The following GRID2 variants were observed in gnomAD, a reference collection of about 807,000 sequenced individuals.
GRID2 encodes glutamate ionotropic receptor delta type subunit 2.
A neutral mutation model predicts 114.8 loss-of-function variants in GRID2; 33 were observed. The observed-to-expected ratio is 0.29, with a 90% confidence interval of 0.22 to 0.38. The LOEUF (loss-of-function observed/expected upper bound fraction) is 0.38, where lower values mean the gene tolerates loss of function less well. GRID2 is among the 10% of genes least tolerant of loss of function. GRID2 has a pLI of 1.00. For missense variants in GRID2, 1,184 were observed against 1,257.7 expected (o/e 0.94, Z 0.89); for synonymous variants, 505 against 449.9 (o/e 1.12, Z -1.55).
At chr4:93,616,349 G>A (rs552451610) in intron 13 of GRID2, among the ~76,000 whole-genome samples, 8 of 151,802 alleles carry the variant, frequency 5.3e-5, no homozygotes, top group East Asian at 1.9e-4. Flanking sequence ...CTCGAGACCC[G>A]CCTGTCCAAC....
intron 11 of GRID2, among the ~76,000 whole-genome samples, chr4:93,483,756 A>G (rs1726098429): frequency 6.6e-6 from 1 of 151,978 alleles, no homozygotes. Flanking sequence ...GATTTTCCTT[A>G]AAACAGAGGG....
intron 2 of GRID2, among the ~76,000 whole-genome samples, chr4:92,930,608 T>C (rs917984587): frequency 1.3e-3 from 190 of 146,474 alleles, no homozygotes; most frequent in African/African-American, 4.6e-3. Context: ...TTGCCAATTC[T>C]CAATGTGAAT....
intron 2 of GRID2, among the ~76,000 whole-genome samples, chr4:93,082,164 A>C (rs1345465755): frequency 6.6e-6 from 1 of 152,194 alleles, no homozygotes; most frequent in Non-Finnish European, 1.5e-5. Flanking sequence ...GTTTTGAGTC[A>C]TCCAGTCCCA....
intron 14 of GRID2, among the ~76,000 whole-genome samples, chr4:93,717,241 C>T (rs1374156153): frequency 6.6e-6 from 1 of 152,010 alleles, no homozygotes; most frequent in Non-Finnish European, 1.5e-5. Flanking sequence ...AATTCTTGTC[C>T]TGTTGGAACT....
intron 8 of GRID2, among the ~76,000 whole-genome samples, chr4:93,349,333 A>G (rs1760558856): frequency 6.6e-6 from 1 of 152,120 alleles, no homozygotes; most frequent in African/African-American, 2.4e-5. Flanking sequence ...TTTCAACTGA[A>G]TAATCTCAAG....
chr4:92,663,902 G>A (rs1732642877), intron 2 of GRID2, among the ~76,000 whole-genome samples: 1 of 151,158 alleles, frequency 6.6e-6, no homozygotes. Flanking sequence ...GATTTGTCCT[G>A]TTGTGATCTG....
chr4:92,938,629 A>G (rs549407078), intron 2 of GRID2, among the ~76,000 whole-genome samples: 1 of 146,358 alleles, frequency 6.8e-6, no homozygotes, highest in South Asian at 2.3e-4. Context: ...TTTGTTACAT[A>G]TGTATACATG....
At chr4:92,705,107 T>C (rs895025002) in intron 2 of GRID2, among the ~76,000 whole-genome samples, 1 of 152,152 alleles carries the variant, frequency 6.6e-6, no homozygotes, top group African/African-American at 2.4e-5. Context: ...GCAAGGCCTA[T>C]GCAGTTATAT....
intron 2 of GRID2, among the ~76,000 whole-genome samples, chr4:92,634,824 T>G (rs1158990780): frequency 6.7e-6 from 1 of 150,116 alleles, no homozygotes; most frequent in East Asian, 2.0e-4. Context: ...TATCTAAAAT[T>G]GAATTTTAAT....
At chr4:92,546,006 G>A (rs1174180290) in intron 1 of GRID2, among the ~76,000 whole-genome samples, 1 of 152,080 alleles carries the variant, frequency 6.6e-6, no homozygotes, top group Non-Finnish European at 1.5e-5. Context: ...TTAAAATGCT[G>A]CTCTTTTACA....
intron 12 of GRID2, among the ~76,000 whole-genome samples, chr4:93,513,687 A>T (rs1325255329): frequency 2.0e-5 from 3 of 152,228 alleles, no homozygotes; most frequent in Admixed American, 2.0e-4. Flanking sequence ...AGGAATTATC[A>T]TGGTAGTTTC....
intron 2 of GRID2, among the ~76,000 whole-genome samples, chr4:92,647,851 G>T (rs988167061): frequency 6.7e-6 from 1 of 149,694 alleles, no homozygotes; most frequent in African/African-American, 2.5e-5. Flanking sequence ...AATTTGAAAT[G>T]TTCCTTATCT....
intron 2 of GRID2, among the ~76,000 whole-genome samples, chr4:92,891,812 A>G (rs1235228163): frequency 1.3e-5 from 2 of 152,170 alleles, no homozygotes; most frequent in Non-Finnish European, 2.9e-5. Context: ...ACACTTGCAC[A>G]TATAATGATT....
chr4:93,008,853 A>G (rs867683570), intron 2 of GRID2, among the ~76,000 whole-genome samples: 13 of 152,254 alleles, frequency 8.5e-5, no homozygotes, highest in Middle Eastern at 3.4e-3. Context: ...AGAGCTCTCA[A>G]AAAAGACTAC....
chr4:93,626,700 A>C (rs1190510488), intron 14 of GRID2, among the ~76,000 whole-genome samples: 1 of 152,244 alleles, frequency 6.6e-6, no homozygotes. Context: ...CATGGAAAAG[A>C]AAGTAGGTGT....
At chr4:92,468,163 A>G (rs1226641455) in intron 1 of GRID2, among the ~76,000 whole-genome samples, 1 of 152,046 alleles carries the variant, frequency 6.6e-6, no homozygotes. Flanking sequence ...ATGAAATACT[A>G]TTATTTAATA....
chr4:92,592,579 G>C (rs1475998480), intron 2 of GRID2, among the ~76,000 whole-genome samples: 1 of 151,968 alleles, frequency 6.6e-6, no homozygotes, highest in Non-Finnish European at 1.5e-5. Context: ...AAAGCAAATT[G>C]AGAGAGGCAA....
intron 2 of GRID2, among the ~76,000 whole-genome samples, chr4:93,016,800 T>C (rs1722791194): frequency 6.6e-6 from 1 of 152,200 alleles, no homozygotes. Context: ...TCAAGTGCAT[T>C]ATTAAAATTC....
intron 8 of GRID2, chr4:93,258,961 G>A (rs2149545380): frequency 4.4e-6 from 2 of 454,970 alleles, no homozygotes; most frequent in African/African-American, 2.0e-5. Flanking sequence ...ATATTAATAA[G>A]GACTGATGTG....
Sources: gnomAD v4.1 joint callset for allele counts (sites outside exome capture counted in the v4.1 genomes callset) on GRCh38, gnomAD v4.1.1 for gene constraint, MANE v1.5 for transcripts, NCBI Gene and HGNC (gene_info 2026-07-23, HGNC 2026-07-21) for gene names.